GFRA3: variants seen among roughly 807,000 people sequenced by gnomAD.
The protein encoded by GFRA3 is GDNF family receptor alpha 3.
In GFRA3, 24 loss-of-function variants were observed where a neutral mutation model predicts 40.0. The ratio of observed to expected loss-of-function variants is 0.60; its 90% CI spans 0.43 to 0.84. GFRA3 has a LOEUF of 0.84. Among genes scored for constraint, GFRA3 ranks in the 40% least tolerant of loss-of-function variants. The probability of loss-of-function intolerance (pLI) is 0.00; values close to 1 mark genes in which losing one functional copy is unlikely to be tolerated. For missense variants in GFRA3, 405 were observed against 530.6 expected, an observed-to-expected ratio of 0.76 and a Z score of 2.33; for synonymous variants, 203 against 213.5, an observed-to-expected ratio of 0.95 and a Z score of 0.43.
At chr5:138,273,925 T>TA (rs371057002) in intron 1 of GFRA3, among the ~76,000 whole-genome samples, 48 of 152,308 alleles carry the variant, frequency 3.2e-4, no homozygotes, top group African/African-American at 1.0e-3. Context: ...CCTCAGTCCT[T>TA]AAAGCAGATG....
intron 3 of GFRA3, among the ~76,000 whole-genome samples, chr5:138,259,245 T>C (rs915365820): frequency 6.6e-6 from 1 of 152,242 alleles, no homozygotes; most frequent in Non-Finnish European, 1.5e-5. Flanking sequence ...AAATACTGCA[T>C]TTCAGCACAA....
rs755612930 is a variant in GFRA3, at chr5:138,253,281, C to T, written c.1113+6G>A. Reference sequence around the variant, plus strand: ...GGTCTGAGGGGTGTAACAGAGGAGGCCCTACCTGGTGTGCCATCACAGCAA... The same window carrying T: ...GGTCTGAGGGGTGTAACAGAGGAGGTCCTACCTGGTGTGCCATCACAGCAA... On this transcript the variant is annotated splice_donor_region_variant and intron_variant, in intron 7 of 7. Transcript: ENST00000274721. 2 of 1,558,634 alleles carry T rather than the reference C, an allele frequency of 1.3e-6. No homozygotes were observed. The highest frequency in any genetic ancestry group is 1.8e-5 in the Admixed American group (1 of 54,698).
At position 138,265,965 on chromosome 5, in the gene GFRA3, G is replaced by A. The variant is rs1262228517; in HGVS notation, c.92-1417C>T. ...CCTGCCTTGGCCTCCCGAAGTGCTG[G>A]GATTACAGGCATGAGCCACCACACC... On this transcript the variant is annotated intron_variant, in intron 1 of 7. Transcript: ENST00000274721. 6.6e-5 allele frequency among the ~76,000 whole-genome samples: 10 copies of A among 152,306 alleles called. No individual in the cohort carries two copies. The South Asian group carries it at 2.1e-3, about 32-fold the overall frequency.
At chr5:138,263,415 G>T (rs1755739014) in intron 2 of GFRA3, among the ~76,000 whole-genome samples, 1 of 152,210 alleles carries the variant, frequency 6.6e-6, no homozygotes, top group Non-Finnish European at 1.5e-5. Context: ...CTGTAAGATT[G>T]TATATCCTCA....
chr5:138,259,989 G>C (rs1048749621), intron 2 of GFRA3, among the ~76,000 whole-genome samples: 3 of 152,120 alleles, frequency 2.0e-5, no homozygotes, highest in Non-Finnish European at 4.4e-5. Context: ...AGGATTCAGG[G>C]AGAAGCCTCT....
chr5:138,253,248 C>T (rs77536832), intron 7 of GFRA3, 39 bp downstream of exon 7: 103,088 of 1,357,744 alleles, frequency 0.076, 4,635 homozygotes, highest in Non-Finnish European at 0.086. Flanking sequence ...CCCAGCCGGC[C>T]CAGTAAAGGT....
At chr5:138,267,187 G>C (rs996495622) in intron 1 of GFRA3, 4 of 120,402 alleles carry the variant, frequency 3.3e-5, no homozygotes, top group Non-Finnish European at 7.0e-5. Context: ...TTTCTTTTAT[G>C]CTTTTTTTTT....
intron 4 of GFRA3, among the ~76,000 whole-genome samples, chr5:138,255,124 G>GGGAA (rs879813260): frequency 6.7e-6 from 1 of 149,774 alleles, no homozygotes; most frequent in South Asian, 2.1e-4. Flanking sequence ...GAAGGAGGGA[G>GGGAA]GGAAGGAAGG....
At chr5:138,262,497 G>T (rs541948309) in intron 2 of GFRA3, among the ~76,000 whole-genome samples, 1 of 152,298 alleles carries the variant, frequency 6.6e-6, no homozygotes, top group East Asian at 1.9e-4. Flanking sequence ...CTGTCACCCA[G>T]GCTGGAGTGC....
intron 2 of GFRA3, among the ~76,000 whole-genome samples, chr5:138,261,276 G>A (rs1481308357): frequency 4.6e-5 from 7 of 152,190 alleles, no homozygotes; most frequent in African/African-American, 1.4e-4. Flanking sequence ...AAGTTTACTA[G>A]TATGTCTTGA....
chr5:138,261,330 C>T (rs979190669), intron 2 of GFRA3, among the ~76,000 whole-genome samples: 1 of 152,130 alleles, frequency 6.6e-6, no homozygotes, highest in Non-Finnish European at 1.5e-5. Context: ...GATATAAGCT[C>T]AGAAAAGAAT....
At chr5:138,261,292 A>G (rs1755706073) in intron 2 of GFRA3, among the ~76,000 whole-genome samples, 1 of 152,208 alleles carries the variant, frequency 6.6e-6, no homozygotes. Context: ...CTTGATTGCT[A>G]TTGGCTGCAT....
rs1554111191 is a variant in GFRA3 at position 138,271,899 on chromosome 5, T to TGTGTG, written c.91+2434_91+2435insCACAC. Among the ~76,000 whole-genome samples, 216 of 101,350 alleles carry TGTGTG rather than the reference T, an allele frequency of 2.1e-3. 5 individuals carry two copies. The highest frequency in any genetic ancestry group is 5.0e-3 in the Middle Eastern group (1 of 200). The allele number at this position is 101,350 out of a possible 152,430, so 66.5% of individuals were successfully genotyped here. The stretch of plus-strand genomic sequence containing the variant: ...GGCAGTATTTTCTTTTCTGTTTTTT[T>TGTGTG]TTTTTTTTTTTTTTTGTGTGTGTGT... On this transcript the variant is annotated intron_variant, in intron 1 of 7. Transcript: ENST00000274721.
At chr5:138,259,933 A>G (rs572153060) in intron 2 of GFRA3, among the ~76,000 whole-genome samples, 114 of 152,254 alleles carry the variant, frequency 7.5e-4, no homozygotes, top group Middle Eastern at 3.4e-3. Flanking sequence ...GCTGAGCACC[A>G]TCGCACTTAC....
At chr5:138,266,116 A>C (rs1755778920) in intron 1 of GFRA3, among the ~76,000 whole-genome samples, 1 of 152,200 alleles carries the variant, frequency 6.6e-6, no homozygotes, top group Non-Finnish European at 1.5e-5. Flanking sequence ...TATTGTGAAT[A>C]GCGCTTTGAT....
intron 1 of GFRA3, among the ~76,000 whole-genome samples, chr5:138,272,180 T>C (rs1399320921): frequency 6.6e-6 from 1 of 151,064 alleles, no homozygotes; most frequent in Non-Finnish European, 1.5e-5. Context: ...TAATTTTTTC[T>C]ATTTTTTAGT....
intron 3 of GFRA3, among the ~76,000 whole-genome samples, chr5:138,258,709 T>A (rs974153242): frequency 6.6e-6 from 1 of 152,164 alleles, no homozygotes; most frequent in African/African-American, 2.4e-5. Context: ...CCAAATTCTA[T>A]TTTAGGTTTC....
chr5:138,253,164 G>A, intron 7 of GFRA3, 107 bp from the exon 8 acceptor site: 1 of 843,266 alleles, frequency 1.2e-6, no homozygotes, highest in Non-Finnish European at 2.0e-6. Flanking sequence ...ATCCATTAGA[G>A]GTCTCTAGTA....
Position 138,257,895 on chromosome 5 carries a change from G to A in GFRA3, c.529C>T (p.Arg177Trp), listed in dbSNP as rs1486929651. Reference protein sequence around the residue: ...MLCTLNDKCDRLRKAYGEACS... With the variant: ...MLCTLNDKCDWLRKAYGEACS... Reference sequence around the variant, plus strand: ...GCCTCCCCGTAGGCCTTGCGCAGCCGGTCACACTTGTCATTGAGAGTACAC... The same window carrying A: ...GCCTCCCCGTAGGCCTTGCGCAGCCAGTCACACTTGTCATTGAGAGTACAC... Residue 177 changes from arginine (R) to tryptophan (W), a missense_variant, in exon 4 of 8, where the codon CGG becomes TGG. Physicochemically the swap from Arg to Trp is moderately radical, Grantham distance 101. Transcript: ENST00000274721. 6.2e-7 allele frequency: 1 copy of A among 1,613,946 alleles called. No individual in the cohort carries two copies. The highest frequency in any genetic ancestry group is 8.5e-7 in the Non-Finnish European group (1 of 1,179,946).
Sources: allele counts gnomAD v4.1 joint callset (sites outside exome capture counted in the v4.1 genomes callset), GRCh38; gene constraint gnomAD v4.1.1; transcripts MANE v1.5; gene names NCBI Gene and HGNC (gene_info 2026-07-23, HGNC 2026-07-21).